Variants in NIPBL observed in about 807,000 individuals in gnomAD.
NIPBL encodes nipped-B-like protein.
NIPBL carries 19 observed loss-of-function variants against 321.8 expected under a neutral mutation model. The ratio of observed to expected loss-of-function variants is 0.06; its 90% confidence interval spans 0.04 to 0.09. The LOEUF (loss-of-function observed/expected upper bound fraction) is 0.09, where lower values mean the gene tolerates loss of function less well. Among genes scored for constraint, NIPBL ranks in the 10% least tolerant of loss-of-function variants. The pLI is 1.00. For synonymous variants in NIPBL, 1,106 were observed against 1,114.1 expected (o/e 0.99, Z 0.14); for missense variants, 2,210 against 3,327.0 (o/e 0.66, Z 8.26).
At chr5:36,976,454 T>G in intron 9 of NIPBL, 52 bp downstream of exon 9, 1 of 1,585,890 alleles carries the variant, frequency 6.3e-7, no homozygotes, top group Admixed American at 1.7e-5. Context: ...TATGTAATTA[T>G]AGTGTCAAAA....
intron 1 of NIPBL, among the ~76,000 whole-genome samples, chr5:36,915,132 C>A (rs1289187939): frequency 2.0e-5 from 3 of 151,832 alleles, no homozygotes; most frequent in Non-Finnish European, 2.9e-5. Context: ...GGTATAAATT[C>A]TAATGTAGTT....
At chr5:37,037,392 A>AAAATATATATATATATGT (rs1751814812) in intron 33 of NIPBL, among the ~76,000 whole-genome samples, 1 of 145,740 alleles carries the variant, frequency 6.9e-6, no homozygotes, top group Non-Finnish European at 1.5e-5. Context: ...CGTCTCAAAA[A>AAAATATATATATATATGT]ATATATATAT....
intron 45 of NIPBL, among the ~76,000 whole-genome samples, chr5:37,061,659 A>G (rs945568214): frequency 2.0e-5 from 3 of 152,194 alleles, no homozygotes; most frequent in African/African-American, 7.2e-5. Flanking sequence ...ATACTGGGTG[A>G]CAGGAGTGAA....
chr5:36,906,431 A>C (rs1340817525), intron 1 of NIPBL, among the ~76,000 whole-genome samples: 1 of 152,194 alleles, frequency 6.6e-6, no homozygotes, highest in Non-Finnish European at 1.5e-5. Flanking sequence ...TACATAATTT[A>C]TCATCCTGTT....
chr5:37,052,527 C>T lies in NIPBL; in HGVS notation c.7224C>T (p.Ala2408=), dbSNP rs1412452380. Residue 2408 remains alanine (A), a synonymous_variant, in exon 42 of 47, where the codon GCC becomes GCT. Coordinates refer to ENST00000282516, the MANE Select transcript of NIPBL (RefSeq NM_133433.4). ...MIRGNRQHRR[A]FLISLLNLFD... ...GTGGAAACCGCCAACACAGACGAGC[C>T]TTTCTTATTTCTTTACTCAACCTCT... 1 of 1,614,022 alleles carries T rather than the reference C, an allele frequency of 6.2e-7. No individual in the cohort carries two copies. Among genetic ancestry groups the T allele is most frequent in the Non-Finnish European group, 8.5e-7 (1 of 1,180,018 alleles).
At chr5:36,992,701 A>G (rs1227493898) in intron 10 of NIPBL, among the ~76,000 whole-genome samples, 1 of 149,132 alleles carries the variant, frequency 6.7e-6, no homozygotes, top group African/African-American at 2.5e-5. Context: ...AATATGGGAA[A>G]GTCATGCATT....
At chr5:37,064,002 T>C in intron 46 of NIPBL, 24 bp downstream of exon 46, 1 of 1,612,588 alleles carries the variant, frequency 6.2e-7, no homozygotes, top group Non-Finnish European at 8.5e-7. Flanking sequence ...GGAGTCAACG[T>C]ATTTCGCAGC....
chr5:36,954,234 ACTTTT>A (rs1580320236), intron 2 of NIPBL, among the ~76,000 whole-genome samples: 1 of 152,214 alleles, frequency 6.6e-6, no homozygotes, highest in Admixed American at 6.5e-5. Context: ...AGGATGGCAT[ACTTTT>A]CTTTGGATAG....
At chr5:37,007,101 A>G (rs555046521) in intron 17 of NIPBL, among the ~76,000 whole-genome samples, 3 of 152,056 alleles carry the variant, frequency 2.0e-5, no homozygotes, top group African/African-American at 4.8e-5. Flanking sequence ...AATATTTTAG[A>G]TACAGGGATT....
chr5:37,044,592 A>G (rs1268666148), intron 35 of NIPBL, 44 bp from the exon 36 acceptor site: 1 of 1,576,970 alleles, frequency 6.3e-7, no homozygotes. Context: ...TTTTTAAAAT[A>G]GTATATTTTT....
intron 9 of NIPBL, among the ~76,000 whole-genome samples, chr5:36,977,596 C>CT (rs1041046179): frequency 7.2e-6 from 1 of 139,770 alleles, no homozygotes; most frequent in Non-Finnish European, 1.6e-5. Context: ...GTTTTTTTTT[C>CT]TTTGTCTTTT....
chr5:37,056,241 A>T (rs1754079844), intron 42 of NIPBL, among the ~76,000 whole-genome samples: 2 of 151,910 alleles, frequency 1.3e-5, no homozygotes, highest in African/African-American at 4.8e-5. Flanking sequence ...TGAGAGTGAT[A>T]CTCTTATGAA....
chr5:37,000,923 A>T, intron 13 of NIPBL, 35 bp downstream of exon 13: 4 of 1,594,578 alleles, frequency 2.5e-6, no homozygotes, highest in Non-Finnish European at 2.6e-6. Flanking sequence ...GTCTTTATTC[A>T]TATTCTTCAG....
chr5:36,918,370 AT>A (rs1427843795), intron 1 of NIPBL, among the ~76,000 whole-genome samples: 1 of 152,100 alleles, frequency 6.6e-6, no homozygotes, highest in East Asian at 1.9e-4. Flanking sequence ...TTGCACATTG[AT>A]TTTGTATCCT....
At chr5:36,916,731 A>G (rs1261249182) in intron 1 of NIPBL, among the ~76,000 whole-genome samples, 2 of 150,408 alleles carry the variant, frequency 1.3e-5, no homozygotes, top group African/African-American at 2.5e-5. Flanking sequence ...ATTCCCACTT[A>G]TGAGTGAGAA....
At chr5:36,906,288 A>G (rs902599157) in intron 1 of NIPBL, among the ~76,000 whole-genome samples, 6 of 152,174 alleles carry the variant, frequency 3.9e-5, no homozygotes, top group Non-Finnish European at 8.8e-5. Flanking sequence ...GGAATTCTGC[A>G]TTTTTAGACC....
chr5:36,897,234 C>T (rs987416363), intron 1 of NIPBL, among the ~76,000 whole-genome samples: 1 of 151,602 alleles, frequency 6.6e-6, no homozygotes, highest in African/African-American at 2.4e-5. Flanking sequence ...GAACTCCTGA[C>T]CTCGTGATCC....
At position 37,020,539 on chromosome 5, in the gene NIPBL, TGAA is replaced by T. The variant is rs1236182783; in HGVS notation, c.5095_5097del (p.Glu1699del). 4.3e-6 allele frequency: 7 copies of T among 1,613,942 alleles called. No homozygotes were observed. The highest frequency in any genetic ancestry group is 5.1e-6 in the Non-Finnish European group (6 of 1,179,928). ...AAAAAGCAATGAAATCACAAAAAGA[TGAA>T]GAATCATCTGAAGGAACACATCATG... On this transcript the variant is annotated inframe_deletion, in exon 26 of 47. Coordinates refer to ENST00000282516, the MANE Select transcript of NIPBL (RefSeq NM_133433.4).
At chr5:37,042,065 A>G (rs560029539) in intron 34 of NIPBL, among the ~76,000 whole-genome samples, 39 of 152,216 alleles carry the variant, frequency 2.6e-4, no homozygotes, top group Admixed American at 2.4e-3. Context: ...TGATGTGGGA[A>G]TTTCTTTTTT....
Sources: gnomAD v4.1 joint callset for allele counts (sites outside exome capture counted in the v4.1 genomes callset) on GRCh38, gnomAD v4.1.1 for gene constraint, MANE v1.5 for transcripts, NCBI Gene and HGNC (gene_info 2026-07-23, HGNC 2026-07-21) for gene names.